The following RGSL1 variants were observed in gnomAD, a reference collection of about 807,000 sequenced individuals.
The protein encoded by RGSL1 is regulator of G protein signaling like 1, also known as regulator of G protein signaling protein-like.
Under a neutral mutation model 124.7 loss-of-function variants are expected in RGSL1, and 97 were observed. The observed-to-expected ratio is 0.78, with a 90% CI of 0.66 to 0.92. The LOEUF (loss-of-function observed/expected upper bound fraction) is 0.92, where lower values mean the gene tolerates loss of function less well. Among genes scored for constraint, RGSL1 ranks in the 40% least tolerant of loss-of-function variants. The probability of loss-of-function intolerance (pLI) is 0.00; values close to 1 mark genes in which losing one functional copy is unlikely to be tolerated. For missense variants in RGSL1, 1,233 were observed against 1,288.4 expected (o/e 0.96, Z 0.66); for synonymous variants, 424 against 438.1 (o/e 0.97, Z 0.40).
intron 18 of RGSL1, among the ~76,000 whole-genome samples, chr1:182,552,997 T>G (rs141269103): frequency 1.3e-5 from 2 of 152,270 alleles, no homozygotes; most frequent in East Asian, 3.9e-4. Flanking sequence ...CTCCGCCTCC[T>G]GGGTTCAAGC....
At chr1:182,544,558 A>G (rs4652725) in intron 15 of RGSL1, among the ~76,000 whole-genome samples, 78,344 of 151,712 alleles carry the variant, frequency 0.52, 20,529 homozygotes, top group Non-Finnish European at 0.56. Context: ...TTGATTTTCT[A>G]TCTGGATGAT....
At chr1:182,503,957 G>A (rs1301091368) in intron 9 of RGSL1, among the ~76,000 whole-genome samples, 5 of 145,988 alleles carry the variant, frequency 3.4e-5, no homozygotes, top group Admixed American at 7.0e-5. Context: ...ATTTTTATTT[G>A]GTCCCTTTTG....
chr1:182,536,393 T>C (rs1659541635), intron 14 of RGSL1, among the ~76,000 whole-genome samples: 1 of 152,356 alleles, frequency 6.6e-6, no homozygotes, highest in South Asian at 2.1e-4. Flanking sequence ...AAAGTGATTG[T>C]ACCATTTTTG....
chr1:182,556,025 CA>C lies in RGSL1; in HGVS notation c.3204del (p.Lys1068AsnfsTer26). 1 of 1,551,308 alleles carries C rather than the reference CA, an allele frequency of 6.4e-7. No homozygotes were observed. The highest frequency in any genetic ancestry group is 8.7e-7 in the Non-Finnish European group (1 of 1,146,656). On this transcript the variant is annotated frameshift_variant and splice_region_variant, in exon 21 of 22. Transcript: ENST00000294854. LOFTEE classifies it high-confidence loss of function. ...SAMQLHPVQG[Q>X]KLSYIKKEK ...ACTGGCTGTTTTCTCTCCCTTCAGA[CA>C]AAAATTATCCTACATCAAAAAAGAG... is the stretch of plus-strand genomic sequence containing the variant.
intron 6 of RGSL1, among the ~76,000 whole-genome samples, chr1:182,487,461 A>G (rs1425161525): frequency 6.6e-6 from 1 of 152,158 alleles, no homozygotes; most frequent in African/African-American, 2.4e-5. Context: ...GTTCTTTCCT[A>G]TCCCGATGCC....
At position 182,473,962 on chromosome 1, in the gene RGSL1, C is replaced by A. The variant is rs758936484; in HGVS notation, c.851C>A (p.Pro284His). Reference sequence around the variant, plus strand: ...GGTATGCCCCTACAGGAGACATGTCCTCAAGAGAAGGTGGTTATACAAATG... The same window carrying A: ...GGTATGCCCCTACAGGAGACATGTCATCAAGAGAAGGTGGTTATACAAATG... ...AIGMPLQETCPQEKVVIQMPS... is the reference protein window; with the variant it reads ...AIGMPLQETCHQEKVVIQMPS... Residue 284 changes from proline (P) to histidine (H), a missense_variant, in exon 6 of 22, where the codon CCT becomes CAT. Coordinates refer to ENST00000294854, the MANE Select transcript of RGSL1 (RefSeq NM_001137669.2). 1 of 1,552,036 alleles carries A rather than the reference C, an allele frequency of 6.4e-7. No individual in the cohort carries two copies. The highest frequency in any genetic ancestry group is 2.0e-5 in the Admixed American group (1 of 51,000).
intron 9 of RGSL1, among the ~76,000 whole-genome samples, chr1:182,511,914 T>C (rs1657492273): frequency 6.6e-6 from 1 of 152,208 alleles, no homozygotes; most frequent in Non-Finnish European, 1.5e-5. Context: ...TTTGTTTCTT[T>C]CATCAGCGTT....
intron 9 of RGSL1, among the ~76,000 whole-genome samples, chr1:182,495,263 C>T (rs900924988): frequency 1.3e-5 from 2 of 152,194 alleles, no homozygotes; most frequent in African/African-American, 4.8e-5. Flanking sequence ...TGTCCATGAG[C>T]TCACTGTGCC....
At chr1:182,467,877 G>A (rs969764604) in intron 4 of RGSL1, among the ~76,000 whole-genome samples, 2 of 152,246 alleles carry the variant, frequency 1.3e-5, no homozygotes, top group East Asian at 3.9e-4. Flanking sequence ...ATCTGACAAA[G>A]GGCTAATATC....
chr1:182,503,891 C>A (rs923500551), intron 9 of RGSL1, among the ~76,000 whole-genome samples: 1 of 151,920 alleles, frequency 6.6e-6, no homozygotes, highest in African/African-American at 2.4e-5. Context: ...ACCTAAGTAC[C>A]CACAAAAATT....
At chr1:182,460,189 A>G in intron 4 of RGSL1, 56 bp downstream of exon 4, 1 of 1,484,010 alleles carries the variant, frequency 6.7e-7, no homozygotes, top group South Asian at 1.3e-5. Context: ...TGTGTGTAGA[A>G]ATATAGGAAG....
At chr1:182,510,657 G>GGGGAGA (rs1445776514) in intron 9 of RGSL1, among the ~76,000 whole-genome samples, 3 of 21,068 alleles carry the variant, frequency 1.4e-4, no homozygotes, top group East Asian at 9.7e-4. Context: ...GGGAGACCGT[G>GGGGAGA]GGGAGAGTGA....
At chr1:182,530,200 G>C (rs1260666741) in intron 11 of RGSL1, 44 bp from the exon 12 acceptor site, 2 of 1,393,566 alleles carry the variant, frequency 1.4e-6, no homozygotes. Context: ...TCTCAGAAAT[G>C]GTAGATGAGG....
chr1:182,530,972 G>T, intron 13 of RGSL1, 62 bp downstream of exon 13: 2 of 1,499,574 alleles, frequency 1.3e-6, no homozygotes, highest in Non-Finnish European at 1.8e-6. Flanking sequence ...CTTGGGGGTA[G>T]GTTTTTAAAT....
intron 9 of RGSL1, among the ~76,000 whole-genome samples, chr1:182,520,975 CTA>C (rs1374488856): frequency 1.3e-5 from 2 of 152,228 alleles, no homozygotes; most frequent in East Asian, 3.9e-4. Context: ...AGTTCATAGT[CTA>C]TGTTTTCTTC....
chr1:182,552,768 C>T (rs1229122815), intron 18 of RGSL1, among the ~76,000 whole-genome samples: 4 of 152,208 alleles, frequency 2.6e-5, no homozygotes, highest in Admixed American at 2.6e-4. Context: ...TGCATCACCC[C>T]ATGGTGGAAG....
intron 6 of RGSL1, among the ~76,000 whole-genome samples, chr1:182,479,155 T>A (rs1248387438): frequency 6.6e-6 from 1 of 152,166 alleles, no homozygotes. Context: ...TGTGAAAGTA[T>A]AAATCTCACT....
In RGSL1 at chr1:182,532,143, T is replaced by TAC. The variant is rs569039390; in HGVS notation, c.2365-518_2365-517dup. 1.1e-4 allele frequency among the ~76,000 whole-genome samples: 17 copies of TAC among 152,252 alleles called. No individual in the cohort carries two copies. In the East Asian group the frequency reaches 3.3e-3, roughly 29 times the overall value. ...AATAAAATGTACAGTGGTTCCTGGGTACCTATAAAAAACAGATGAGGAAAC... is the reference window on the plus strand; with the variant it reads ...AATAAAATGTACAGTGGTTCCTGGGTACACCTATAAAAAACAGATGAGGAAAC... On this transcript the variant is annotated intron_variant, in intron 13 of 21. Coordinates refer to ENST00000294854, the MANE Select transcript of RGSL1 (RefSeq NM_001137669.2).
chr1:182,513,731 G>T (rs1419376762), intron 9 of RGSL1, among the ~76,000 whole-genome samples: 2 of 152,042 alleles, frequency 1.3e-5, no homozygotes, highest in Non-Finnish European at 2.9e-5. Flanking sequence ...TGGTCCCAGG[G>T]CCTATTTCTG....
Sources: allele counts gnomAD v4.1 joint callset (sites outside exome capture counted in the v4.1 genomes callset), GRCh38; gene constraint gnomAD v4.1.1; transcripts MANE v1.5; gene names NCBI Gene and HGNC (gene_info 2026-07-23, HGNC 2026-07-21).